The following ARFGAP3 variants were observed in gnomAD, a reference collection of about 807,000 sequenced individuals.
ARFGAP3 encodes ARF GTPase activating protein 3.
ARFGAP3 carries 72 observed loss-of-function variants against 75.0 expected under a neutral mutation model. That is an observed-to-expected ratio of 0.96 (90% confidence interval 0.79 to 1.17). The LOEUF is 1.17. Among genes scored for constraint, ARFGAP3 ranks in the 50% most tolerant of loss-of-function variants. The pLI, the probability that ARFGAP3 is intolerant of heterozygous loss-of-function variation, is 0.00. For synonymous variants in ARFGAP3, 221 were observed against 217.9 expected (o/e 1.01, Z -0.13); for missense variants, 620 against 626.6 (o/e 0.99, Z 0.11).
intron 1 of ARFGAP3, among the ~76,000 whole-genome samples, chr22:42,853,165 A>G (rs1927354396): frequency 6.7e-6 from 1 of 149,218 alleles, no homozygotes; most frequent in African/African-American, 2.6e-5. Context: ...ATCTTATAAT[A>G]AGAGTTTCTT....
At chr22:42,852,018 G>A (rs772257814) in intron 1 of ARFGAP3, among the ~76,000 whole-genome samples, 30 of 151,858 alleles carry the variant, frequency 2.0e-4, no homozygotes, top group Non-Finnish European at 3.5e-4. Flanking sequence ...CCCACACTTA[G>A]AATAAAAGAG....
intron 14 of ARFGAP3, among the ~76,000 whole-genome samples, chr22:42,801,877 G>T (rs1328760714): frequency 6.6e-6 from 1 of 152,114 alleles, no homozygotes; most frequent in East Asian, 1.9e-4. Flanking sequence ...GGCCCCCAGG[G>T]TAAATACGGG....
At chr22:42,800,241 A>G (rs1924795200) in intron 14 of ARFGAP3, among the ~76,000 whole-genome samples, 1 of 152,206 alleles carries the variant, frequency 6.6e-6, no homozygotes, top group African/African-American at 2.4e-5. Flanking sequence ...CTTACAAAAC[A>G]GAAACCCACC....
chr22:42,856,956 C>A (rs1357091569), intron 1 of ARFGAP3, among the ~76,000 whole-genome samples, 158 bp downstream of exon 1: 1 of 149,908 alleles, frequency 6.7e-6, no homozygotes, highest in Non-Finnish European at 1.5e-5. Flanking sequence ...CCCGGCCCCG[C>A]CCGCCCCGGC....
At chr22:42,806,450 C>T (rs1371025315) in intron 14 of ARFGAP3, among the ~76,000 whole-genome samples, 3 of 152,232 alleles carry the variant, frequency 2.0e-5, no homozygotes, top group African/African-American at 7.2e-5. Context: ...GGGTCTGAAC[C>T]CTGAAGAGGG....
chr22:42,854,614 G>C (rs1273512680), intron 1 of ARFGAP3, among the ~76,000 whole-genome samples: 1 of 151,258 alleles, frequency 6.6e-6, no homozygotes, highest in Non-Finnish European at 1.5e-5. Flanking sequence ...AACAGAGCTA[G>C]ACTGTCTCAA....
chr22:42,800,366 C>T (rs1222733724), intron 14 of ARFGAP3, among the ~76,000 whole-genome samples: 1 of 152,106 alleles, frequency 6.6e-6, no homozygotes, highest in Non-Finnish European at 1.5e-5. Flanking sequence ...CCCATCTCTA[C>T]TAAAAATACA....
intron 11 of ARFGAP3, among the ~76,000 whole-genome samples, chr22:42,815,947 T>C (rs1156772802): frequency 1.3e-5 from 2 of 152,160 alleles, no homozygotes; most frequent in Non-Finnish European, 2.9e-5. Context: ...ACTCCATCTC[T>C]ATTAAAAATA....
At chr22:42,801,435 T>G (rs1284760543) in intron 14 of ARFGAP3, among the ~76,000 whole-genome samples, 2 of 152,152 alleles carry the variant, frequency 1.3e-5, no homozygotes, top group Non-Finnish European at 2.9e-5. Flanking sequence ...CCAGTGCAGG[T>G]GGGCAGGGGG....
intron 1 of ARFGAP3, among the ~76,000 whole-genome samples, chr22:42,848,143 C>A (rs1228797073): frequency 6.6e-6 from 1 of 152,018 alleles, no homozygotes; most frequent in Non-Finnish European, 1.5e-5. Flanking sequence ...GGATTACAGG[C>A]ACGAGCCACT....
At position 42,831,533 on chromosome 22, in the gene ARFGAP3, G is replaced by A. The variant is rs201731967; in HGVS notation, c.565+16C>T. The A allele has an allele frequency of 1.9e-6, 3 of 1,609,500 alleles. No individual in the cohort carries two copies. The Admixed American group carries it at 5.0e-5, about 27-fold the overall frequency. ...AACCATAGAATAGTATTACATGACAGTTCTAAGGACTCCACCTTCATTATT... is the reference window on the plus strand; with the variant it reads ...AACCATAGAATAGTATTACATGACAATTCTAAGGACTCCACCTTCATTATT... On this transcript the variant is annotated intron_variant, in intron 6 of 15. Coordinates refer to ENST00000263245, the MANE Select transcript of ARFGAP3 (RefSeq NM_014570.5).
intron 2 of ARFGAP3, chr22:42,847,212 G>A: frequency 4.2e-6 from 1 of 240,048 alleles, no homozygotes; most frequent in Non-Finnish European, 8.1e-6. Context: ...CTGTCGCCCA[G>A]GCTGGAATGC....
intron 14 of ARFGAP3, among the ~76,000 whole-genome samples, chr22:42,803,181 T>G (rs2146525546): frequency 6.6e-6 from 1 of 152,226 alleles, no homozygotes; most frequent in African/African-American, 2.4e-5. Context: ...TTTTTAAATT[T>G]TTTGTAGAGA....
rs1602119579 is a variant in ARFGAP3, at chr22:42,835,468, C to T, written c.287G>A (p.Cys96Tyr). Residue 96 changes from cysteine (C) to tyrosine (Y), a missense_variant, in exon 4 of 16, where the codon TGT becomes TAT. Coordinates refer to ENST00000263245, the MANE Select transcript of ARFGAP3 (RefSeq NM_014570.5). ...CTTGGCATTGGTGTCATTGGTGGAA[C>T]ACCCATGTTGATGAAAAAAGGAAGA... ...SASSFFHQHG[C>Y]STNDTNAKYN... 6 of 1,614,004 alleles carry T rather than the reference C, an allele frequency of 3.7e-6. No individual in the cohort carries two copies. The East Asian group carries it at 8.9e-5, about 24-fold the overall frequency.
At chr22:42,842,859 A>G (rs775304198) in intron 2 of ARFGAP3, among the ~76,000 whole-genome samples, 1 of 152,078 alleles carries the variant, frequency 6.6e-6, no homozygotes, top group Non-Finnish European at 1.5e-5. Flanking sequence ...GGTTCTCCCC[A>G]GTGTCCACCG....
chr22:42,817,206 T>G lies in ARFGAP3; in HGVS notation c.1000A>C (p.Met334Leu). Residue 334 changes from methionine (M) to leucine (L), a missense_variant, in exon 11 of 16, where the codon ATG becomes CTG. Physicochemically the swap from Met to Leu is conservative, Grantham distance 15. Coordinates refer to ENST00000263245, the MANE Select transcript of ARFGAP3 (RefSeq NM_014570.5). ...TTATACTTTTTTCTTGGTTTTGCCA[T>G]AATGGGTGATTCCTGCTCTATGGTC... Reference protein sequence around the residue: ...MQTIEQESPIMAKPRKKYNDD... With the variant: ...MQTIEQESPILAKPRKKYNDD... 6.2e-7 allele frequency: 1 copy of G among 1,613,780 alleles called. No individual in the cohort carries two copies. The highest frequency in any genetic ancestry group is 2.2e-5 in the East Asian group (1 of 44,818).
intron 3 of ARFGAP3, among the ~76,000 whole-genome samples, chr22:42,839,494 A>C (rs1926684019): frequency 6.6e-6 from 1 of 151,256 alleles, no homozygotes; most frequent in Non-Finnish European, 1.5e-5. Context: ...GCTACTCAGG[A>C]GGCTGAGGCA....
intron 1 of ARFGAP3, among the ~76,000 whole-genome samples, chr22:42,851,009 G>A (rs1007172277): frequency 5.3e-5 from 8 of 152,238 alleles, no homozygotes; most frequent in Non-Finnish European, 1.2e-4. Flanking sequence ...ACCCTCTTCT[G>A]TGGGGCATCA....
chr22:42,802,444 C>T (rs545821638), intron 14 of ARFGAP3, among the ~76,000 whole-genome samples: 146 of 150,580 alleles, frequency 9.7e-4, no homozygotes, highest in Non-Finnish European at 1.7e-3. Context: ...CGCCACCACG[C>T]CCAGATAATT....
Sources: gnomAD v4.1 joint callset for allele counts (sites outside exome capture counted in the v4.1 genomes callset) on GRCh38, gnomAD v4.1.1 for gene constraint, MANE v1.5 for transcripts, NCBI Gene and HGNC (gene_info 2026-07-23, HGNC 2026-07-21) for gene names.